ADAMTS17: variants seen among roughly 807,000 people sequenced by gnomAD.
ADAMTS17 encodes the protein ADAM metallopeptidase with thrombospondin type 1 motif 17.
A neutral mutation model predicts 141.5 loss-of-function variants in ADAMTS17; 113 were observed. That is an observed-to-expected ratio of 0.80 (90% CI 0.69 to 0.93). The LOEUF is 0.93. ADAMTS17 is among the 40% of genes least tolerant of loss of function. ADAMTS17 has a pLI of 0.00. For synonymous variants in ADAMTS17, 768 were observed against 630.6 expected, an observed-to-expected ratio of 1.22 and a Z score of -3.27; for missense variants, 1,659 against 1,517.9, an observed-to-expected ratio of 1.09 and a Z score of -1.54.
intron 2 of ADAMTS17, among the ~76,000 whole-genome samples, chr15:100,333,505 G>A (rs2046116944): frequency 1.3e-5 from 2 of 152,190 alleles, no homozygotes; most frequent in Non-Finnish European, 1.5e-5. Context: ...AAAATTCAAT[G>A]TGTAGCCAGG....
At chr15:100,032,033 T>C (rs1043563800) in intron 18 of ADAMTS17, among the ~76,000 whole-genome samples, 17 of 152,242 alleles carry the variant, frequency 1.1e-4, no homozygotes, top group African/African-American at 3.6e-4. Flanking sequence ...TTGGTACAGG[T>C]AGATGCATTA....
intron 8 of ADAMTS17, among the ~76,000 whole-genome samples, chr15:100,184,111 G>C (rs544410835): frequency 1.3e-5 from 2 of 152,196 alleles, no homozygotes; most frequent in East Asian, 1.9e-4. Context: ...AGTTGAGTAG[G>C]CCTGGGGTTT....
chr15:100,001,032 G>A (rs2573609), intron 18 of ADAMTS17, among the ~76,000 whole-genome samples: 15,536 of 152,134 alleles, frequency 0.1, 2,429 homozygotes, highest in African/African-American at 0.34. Context: ...TGGGGGCTAT[G>A]GTCAAGAAAA....
intron 10 of ADAMTS17, among the ~76,000 whole-genome samples, chr15:100,144,527 G>A (rs1001949974): frequency 6.6e-6 from 1 of 151,930 alleles, no homozygotes; most frequent in Non-Finnish European, 1.5e-5. Context: ...TCCAGCCTGG[G>A]TGACAGAGCA....
intron 13 of ADAMTS17, among the ~76,000 whole-genome samples, chr15:100,110,718 C>T (rs74037372): frequency 0.053 from 7,990 of 152,162 alleles, 421 homozygotes; most frequent in South Asian, 0.15. Context: ...GAGTCAAAGA[C>T]CTTCATCCTC....
At chr15:100,006,287 T>C (rs2061035023) in intron 18 of ADAMTS17, among the ~76,000 whole-genome samples, 1 of 152,234 alleles carries the variant, frequency 6.6e-6, no homozygotes, top group Admixed American at 6.5e-5. Flanking sequence ...GATTAGAATG[T>C]GGACACCTGT....
chr15:100,084,321 G>C (rs1033541634), intron 15 of ADAMTS17, among the ~76,000 whole-genome samples: 7 of 152,236 alleles, frequency 4.6e-5, no homozygotes, highest in African/African-American at 9.6e-5. Flanking sequence ...GCCGAGGCTT[G>C]AGTAGGTAAA....
chr15:100,022,031 A>T (rs78381632), intron 18 of ADAMTS17, among the ~76,000 whole-genome samples: 56 of 152,152 alleles, frequency 3.7e-4, no homozygotes, highest in Non-Finnish European at 7.5e-4. Flanking sequence ...TGCTCCTAGG[A>T]GTCAAGAGGC....
chr15:100,219,532 C>A (rs559600966), intron 7 of ADAMTS17, among the ~76,000 whole-genome samples: 1 of 152,098 alleles, frequency 6.6e-6, no homozygotes, highest in Non-Finnish European at 1.5e-5. Flanking sequence ...AATCAGAGAG[C>A]GTTATCGTCC....
At chr15:100,233,342 A>AG (rs1420675730) in intron 7 of ADAMTS17, among the ~76,000 whole-genome samples, 3 of 152,040 alleles carry the variant, frequency 2.0e-5, no homozygotes, top group Non-Finnish European at 4.4e-5. Flanking sequence ...AAAAAAAAAA[A>AG]AATACAGAAG....
At chr15:100,155,455 C>T in intron 8 of ADAMTS17, 135 bp from the exon 9 acceptor site, 1 of 1,196,910 alleles carries the variant, frequency 8.4e-7, no homozygotes, top group Non-Finnish European at 1.2e-6. Flanking sequence ...GGTTCTCACA[C>T]AGCAGACCCA....
intron 6 of ADAMTS17, chr15:100,256,740 C>A (rs765445746): frequency 3.3e-5 from 5 of 152,594 alleles, no homozygotes; most frequent in Admixed American, 2.0e-4. Flanking sequence ...TCACCCAGAG[C>A]ACAGGCCCAG....
At position 100,233,199 on chromosome 15, in the gene ADAMTS17, G is replaced by A. The variant is rs181589811; in HGVS notation, c.1075+20937C>T. 3.5e-4 allele frequency among the ~76,000 whole-genome samples: 54 copies of A among 152,154 alleles called. No individual in the cohort carries two copies. In the East Asian group the frequency reaches 6.4e-3, roughly 18 times the overall value. ...CAAAAAATGAGTCGGGCGTGGGGACGGACGCCTGTAACCCCAGGTACTCAG... is the reference window on the plus strand; with the variant it reads ...CAAAAAATGAGTCGGGCGTGGGGACAGACGCCTGTAACCCCAGGTACTCAG... On this transcript the variant is annotated intron_variant, in intron 7 of 21. Coordinates refer to ENST00000268070, the MANE Select transcript of ADAMTS17 (RefSeq NM_139057.4).
rs28434721 is a variant in ADAMTS17 at position 100,051,814 on chromosome 15, T to C, written c.2296-83A>G. On this transcript the variant is annotated intron_variant, in intron 16 of 21. Transcript: ENST00000268070. ...GCCGAATCTGCACACACAGGCACAC[T>C]GCGGCTGTTTCTTTATGAGGGGTAA... The C allele has an allele frequency of 6.3e-3, 9,867 of 1,562,876 alleles. 495 individuals are homozygous for C. The African/African-American group carries it at 0.11, about 17-fold the overall frequency.
chr15:100,307,748 G>A (rs1364339162), intron 3 of ADAMTS17, among the ~76,000 whole-genome samples: 1 of 152,194 alleles, frequency 6.6e-6, no homozygotes, highest in Non-Finnish European at 1.5e-5. Flanking sequence ...TGCCAGGTGT[G>A]GCTGGCGTCC....
intron 4 of ADAMTS17, among the ~76,000 whole-genome samples, chr15:100,277,580 A>T (rs973510519): frequency 6.6e-6 from 1 of 152,234 alleles, no homozygotes; most frequent in African/African-American, 2.4e-5. Flanking sequence ...TCTGGTGCAG[A>T]GCCAAGCCCC....
intron 8 of ADAMTS17, among the ~76,000 whole-genome samples, chr15:100,197,888 G>A (rs897546028): frequency 2.6e-5 from 4 of 152,188 alleles, no homozygotes; most frequent in Admixed American, 1.3e-4. Flanking sequence ...CATGGATGAA[G>A]CTGGAAACCA....
chr15:100,208,027 C>T (rs1319497236), intron 7 of ADAMTS17, among the ~76,000 whole-genome samples: 2 of 152,170 alleles, frequency 1.3e-5, no homozygotes, highest in Non-Finnish European at 2.9e-5. Flanking sequence ...AAAATCATCT[C>T]TTCAAGTCCC....
intron 18 of ADAMTS17, among the ~76,000 whole-genome samples, chr15:100,010,630 C>T (rs1406559996): frequency 3.3e-5 from 5 of 152,232 alleles, no homozygotes; most frequent in Non-Finnish European, 2.9e-5. Context: ...GTCCCTCTCA[C>T]AGCTCCTGGC....
Sources: allele counts gnomAD v4.1 joint callset (sites outside exome capture counted in the v4.1 genomes callset), GRCh38; gene constraint gnomAD v4.1.1; transcripts MANE v1.5; gene names NCBI Gene and HGNC (gene_info 2026-07-23, HGNC 2026-07-21).